Variants in NDUFS2 observed in about 807,000 individuals in gnomAD.
NDUFS2 encodes NADH dehydrogenase [ubiquinone] iron-sulfur protein 2, mitochondrial.
A neutral mutation model predicts 69.6 loss-of-function variants in NDUFS2; 38 were observed. The observed-to-expected ratio is 0.55, with a 90% CI of 0.42 to 0.72. NDUFS2 has a LOEUF of 0.72. Among genes scored for constraint, NDUFS2 ranks in the 30% least tolerant of loss-of-function variants. NDUFS2 has a pLI of 0.00. For missense variants in NDUFS2, 468 were observed against 595.0 expected, an observed-to-expected ratio of 0.79 and a Z score of 2.22; for synonymous variants, 194 against 211.2, an observed-to-expected ratio of 0.92 and a Z score of 0.70.
At position 161,214,277 on chromosome 1, in the gene NDUFS2, G is replaced by GTGTGTA; in HGVS notation, c.*89_*90insATGTGT. ...TCACTGGAAATTGGCCTCTGTGTGT[G>GTGTGTA]TGTGTGTGTGTGTGTGTGTGTGTAT... is the stretch of plus-strand genomic sequence containing the variant. On this transcript the variant is annotated 3_prime_UTR_variant, in exon 14 of 14. Coordinates refer to ENST00000676972, the MANE Select transcript of NDUFS2 (RefSeq NM_001377299.1). 9.3e-7 allele frequency: 1 copy of GTGTGTA among 1,071,794 alleles called. No homozygotes were observed. The highest frequency in any genetic ancestry group is 1.3e-5 in the South Asian group (1 of 74,246). The allele number at this position is 1,071,794 out of a possible 1,614,324, so 66.4% of individuals were successfully genotyped here.
chr1:161,206,049 G>A (rs753083482), intron 2 of NDUFS2, among the ~76,000 whole-genome samples: 65 of 152,084 alleles, frequency 4.3e-4, no homozygotes, highest in Admixed American at 1.6e-3. Context: ...ACTCATAACA[G>A]TTGTTGTAAG....
chr1:161,209,804 T>C (rs1665670496), intron 5 of NDUFS2, 53 bp from the exon 6 acceptor site: 4 of 1,584,544 alleles, frequency 2.5e-6, no homozygotes, highest in Non-Finnish European at 3.4e-6. Flanking sequence ...TAGGCCATCA[T>C]AGGACCTGGG....
chr1:161,205,628 C>A (rs766537024), intron 2 of NDUFS2, among the ~76,000 whole-genome samples: 3 of 152,014 alleles, frequency 2.0e-5, no homozygotes, highest in Admixed American at 1.3e-4. Context: ...ATTAGGTGGG[C>A]ATGGTGGTGT....
At chr1:161,203,861 G>C in intron 2 of NDUFS2, 2 of 386,096 alleles carry the variant, frequency 5.2e-6, no homozygotes, top group Admixed American at 3.7e-5. Context: ...CTCAGCCTCC[G>C]AAAGTGCTGA....
chr1:161,202,459 G>T lies in NDUFS2; in HGVS notation c.74G>T (p.Arg25Leu). The T allele has an allele frequency of 6.2e-7, 1 of 1,611,758 alleles. No individual in the cohort carries two copies. The highest frequency in any genetic ancestry group is 1.1e-5 in the South Asian group (1 of 90,364). The change falls in exon 1 of 14, where the codon CGA becomes CTA. Residue 25 changes from arginine to leucine, a missense_variant. Transcript: ENST00000676972. The part of the protein sequence containing the change: ...AQVLRPGAGV[R>L]LPIQPSRGVR... ...GTGCTGCGGCCTGGGGCTGGAGTCC[G>T]ATTGCCGATTCAGCCCAGCAGGTGA...
intron 3 of NDUFS2, 60 bp from the exon 4 acceptor site, chr1:161,209,133 C>T: frequency 6.2e-7 from 1 of 1,612,540 alleles, no homozygotes; most frequent in Non-Finnish European, 8.5e-7. Context: ...AGGCTTCAGG[C>T]AGCCAGACTG....
intron 2 of NDUFS2, among the ~76,000 whole-genome samples, chr1:161,204,534 A>G (rs1282016590): frequency 6.6e-6 from 1 of 152,156 alleles, no homozygotes; most frequent in South Asian, 2.1e-4. Flanking sequence ...CTTTCCATCT[A>G]TCCTATACAG....
chr1:161,203,235 G>A (rs1051444086), intron 1 of NDUFS2, among the ~76,000 whole-genome samples: 28 of 152,178 alleles, frequency 1.8e-4, no homozygotes, highest in Non-Finnish European at 7.3e-5. Context: ...GAACCCGGGA[G>A]GCGGAGGTTT....
chr1:161,202,655 C>G (rs1452835725), intron 1 of NDUFS2, among the ~76,000 whole-genome samples, 175 bp downstream of exon 1: 1 of 152,288 alleles, frequency 6.6e-6, no homozygotes, highest in East Asian at 1.9e-4. Context: ...GGGAGAGGGT[C>G]TAGAGTTCGT....
At chr1:161,207,533 T>G (rs902051698) in intron 3 of NDUFS2, among the ~76,000 whole-genome samples, 3 of 151,986 alleles carry the variant, frequency 2.0e-5, no homozygotes, top group African/African-American at 7.2e-5. Context: ...GCAGGTGGAT[T>G]ACTTGAGGTC....
At chr1:161,198,584 C>T (rs1265505716), upstream of NDUFS2, 6 of 1,542,066 alleles carry the variant, frequency 3.9e-6, no homozygotes, top group Admixed American at 5.9e-5. This position sits in a 1 kb window ranked among gnomAD's most constrained non-coding sequence, Gnocchi z 4.7. Context: ...CCACAGCCAG[C>T]GCCCTGCCAA....
At chr1:161,200,920 C>A (rs1665088810), upstream of NDUFS2, among the ~76,000 whole-genome samples, 1 of 152,160 alleles carries the variant, frequency 6.6e-6, no homozygotes, top group South Asian at 2.1e-4. Flanking sequence ...TCCTAGGCAG[C>A]CCCTCAGGAG....
At chr1:161,203,589 C>G in intron 2 of NDUFS2, 46 bp downstream of exon 2, 2 of 1,465,166 alleles carry the variant, frequency 1.4e-6, no homozygotes, top group East Asian at 2.3e-5. Flanking sequence ...ATCCCTGCCC[C>G]CAGCTGATTT....
At chr1:161,197,737 G>A (rs1664912135), upstream of NDUFS2, among the ~76,000 whole-genome samples, 1 of 152,066 alleles carries the variant, frequency 6.6e-6, no homozygotes, top group Non-Finnish European at 1.5e-5. Context: ...GGTGGGGTGG[G>A]GAGAGGGAGC....
At chr1:161,200,052 C>G (rs1571594447), upstream of NDUFS2, among the ~76,000 whole-genome samples, 1 of 152,206 alleles carries the variant, frequency 6.6e-6, no homozygotes, top group East Asian at 1.9e-4. Flanking sequence ...CCAGATTCAC[C>G]CAGTATCAAT....
In NDUFS2 at chr1:161,210,861, A is replaced by G. The variant is rs1665734052; in HGVS notation, c.986+151A>G. ...GGTTGCTCTCAAAACACTTTCACAT[A>G]TATGGAATCTTACTTATTTTTTTCT... On this transcript the variant is annotated intron_variant, in intron 9 of 13. Transcript: ENST00000676972. 6 of 1,201,564 alleles carry G rather than the reference A, an allele frequency of 5.0e-6. No homozygotes were observed. In the South Asian group the frequency reaches 6.7e-5, roughly 13 times the overall value. 74.4% of individuals were successfully genotyped at this position (1,201,564 alleles called of 1,614,324 possible).
At chr1:161,198,363 C>A, upstream of NDUFS2, 1 of 1,613,058 alleles carries the variant, frequency 6.2e-7, no homozygotes, top group Non-Finnish European at 8.5e-7. This position sits in a 1 kb window ranked among gnomAD's most constrained non-coding sequence, Gnocchi z 4.7. Flanking sequence ...AGCGTCTCCC[C>A]AAAGGCCTGC....
rs369685549 is a variant in NDUFS2, at chr1:161,213,976, C to T, written c.1354+55C>T. On this transcript the variant is annotated intron_variant, in intron 13 of 13. Coordinates refer to ENST00000676972, the MANE Select transcript of NDUFS2 (RefSeq NM_001377299.1). ...CCTAGACAAAGGAGTTCGGGACGCCCACTGGGGACAGAAGGAGAACACTTC... is the reference window on the plus strand; with the variant it reads ...CCTAGACAAAGGAGTTCGGGACGCCTACTGGGGACAGAAGGAGAACACTTC... The T allele has an allele frequency of 1.2e-3, 1,862 of 1,613,976 alleles. 2 individuals are homozygous for T. The highest frequency in any genetic ancestry group is 1.5e-3 in the Non-Finnish European group (1,717 of 1,179,936).
At chr1:161,205,594 C>T (rs973826176) in intron 2 of NDUFS2, among the ~76,000 whole-genome samples, 22 of 152,040 alleles carry the variant, frequency 1.4e-4, no homozygotes, top group African/African-American at 1.9e-4. Context: ...GTACTTCTTT[C>T]GCAAATTAAA....
Sources: gnomAD v4.1 joint callset for allele counts (sites outside exome capture counted in the v4.1 genomes callset) on GRCh38, gnomAD v4.1.1 for gene constraint, Gnocchi (gnomAD v3.1) non-coding constraint, MANE v1.5 for transcripts, NCBI Gene and HGNC (gene_info 2026-07-23, HGNC 2026-07-21) for gene names.